USPL1: variants seen among roughly 807,000 people sequenced by gnomAD.
USPL1 encodes SUMO-specific isopeptidase USPL1.
USPL1 carries 27 observed loss-of-function variants against 51.5 expected under a neutral mutation model. The observed-to-expected ratio is 0.52, with a 90% CI of 0.39 to 0.72. USPL1 has a LOEUF of 0.72. USPL1 is among the 30% of genes least tolerant of loss of function. The pLI, the probability that USPL1 is intolerant of heterozygous loss-of-function variation, is 0.00. For synonymous variants in USPL1, 451 were observed against 459.6 expected (o/e 0.98, Z 0.24); for missense variants, 1,226 against 1,268.0 (o/e 0.97, Z 0.50).
At chr13:30,645,527 C>A (rs538068829) in intron 6 of USPL1, among the ~76,000 whole-genome samples, 29 of 152,140 alleles carry the variant, frequency 1.9e-4, no homozygotes, top group Non-Finnish European at 3.1e-4. Context: ...AATAATCTTA[C>A]TTTGTTCTAA....
chr13:30,659,304 A>G lies in USPL1; in HGVS notation c.3227A>G (p.Asn1076Ser). 1.2e-6 allele frequency: 2 copies of G among 1,613,802 alleles called. No homozygotes were observed. The highest frequency in any genetic ancestry group is 1.7e-6 in the Non-Finnish European group (2 of 1,179,706). The change falls in exon 9 of 9, where the codon AAT (asparagine) becomes AGT (serine). Residue 1076 changes from asparagine (N) to serine (S), a missense_variant. By Grantham distance (46) the Asn-to-Ser change is conservative. Transcript: ENST00000255304. ...TCCTCAGCATTAAATGCTTTAGCAA[A>G]TGACACATTAGACCTACCTCATTTC... ...FSSSALNALANDTLDLPHFDE... is the reference protein window; with the variant it reads ...FSSSALNALASDTLDLPHFDE...
At chr13:30,621,280 T>A (rs760547363) in intron 2 of USPL1, 41 bp downstream of exon 2, 34 of 1,446,098 alleles carry the variant, frequency 2.4e-5, no homozygotes, top group Non-Finnish European at 2.9e-5. Flanking sequence ...AAGTTTTTTT[T>A]TTTTCTCTAT....
intron 5 of USPL1, among the ~76,000 whole-genome samples, chr13:30,639,222 G>GTATATATATA (rs61182649): frequency 7.6e-5 from 11 of 144,430 alleles, no homozygotes; most frequent in African/African-American, 2.3e-4. Flanking sequence ...CTCAAAAAAT[G>GTATATATATA]TATATATATA....
At chr13:30,650,954 A>G (rs1951083129) in intron 7 of USPL1, among the ~76,000 whole-genome samples, 2 of 151,350 alleles carry the variant, frequency 1.3e-5, no homozygotes, top group Non-Finnish European at 2.9e-5. Context: ...CGTGCCCTGC[A>G]CTCCAACTTG....
At chr13:30,628,043 A>ATTTTTTTTTTTTTTTTT (rs202119827) in intron 3 of USPL1, among the ~76,000 whole-genome samples, 3 of 127,012 alleles carry the variant, frequency 2.4e-5, no homozygotes, top group Admixed American at 8.2e-5. Context: ...TGCCTGGCTA[A>ATTTTTTTTTTTTTTTTT]TTTTTTTTTT....
At chr13:30,620,435 A>C (rs1428241462) in intron 1 of USPL1, among the ~76,000 whole-genome samples, 12 of 152,212 alleles carry the variant, frequency 7.9e-5, no homozygotes, top group Non-Finnish European at 1.6e-4. Flanking sequence ...TCTGCACCAT[A>C]GGACTGCACT....
chr13:30,639,328 C>T (rs576999329), intron 5 of USPL1, among the ~76,000 whole-genome samples: 23 of 151,808 alleles, frequency 1.5e-4, no homozygotes, highest in South Asian at 6.2e-4. Context: ...CAGCTTTTGA[C>T]GTACTTCTTT....
chr13:30,643,270 C>G (rs1458676255), intron 6 of USPL1, among the ~76,000 whole-genome samples: 1 of 152,242 alleles, frequency 6.6e-6, no homozygotes, highest in South Asian at 2.1e-4. Context: ...AGGCCATGAT[C>G]GATGTACCTG....
intron 6 of USPL1, among the ~76,000 whole-genome samples, chr13:30,644,240 A>G (rs1247337310): frequency 6.6e-6 from 1 of 151,934 alleles, no homozygotes; most frequent in Non-Finnish European, 1.5e-5. Context: ...CTGAGATTGC[A>G]CCACTGCACT....
chr13:30,632,406 AT>A (rs60539080), intron 4 of USPL1, among the ~76,000 whole-genome samples: 1,346 of 83,668 alleles, frequency 0.016, 11 homozygotes, highest in South Asian at 0.024. Flanking sequence ...TGCTATTGTG[AT>A]TTTTTTTTTT....
chr13:30,630,726 C>T, intron 3 of USPL1, 109 bp from the exon 4 acceptor site: 2 of 1,192,452 alleles, frequency 1.7e-6, no homozygotes, highest in East Asian at 2.5e-5. Context: ...TATAACCTGT[C>T]ATCAAATCAA....
chr13:30,659,189 C>T lies in USPL1; in HGVS notation c.3112C>T (p.Gln1038Ter). The T allele has an allele frequency of 1.9e-6, 3 of 1,614,100 alleles. No homozygotes were observed. The highest frequency in any genetic ancestry group is 2.5e-6 in the Non-Finnish European group (3 of 1,180,016). Residue 1038 changes from glutamine to a stop codon, truncating the protein, a stop_gained, in exon 9 of 9, where the codon CAG (glutamine) becomes TAG (stop). Transcript: ENST00000255304. LOFTEE classifies it low-confidence loss of function (END_TRUNC). Reference protein sequence around the residue: ...SPTKKNPCEVQPDSLTNNACV... With the variant: ...SPTKKNPCEV ...CACCAAGAAAAATCCATGTGAAGTT[C>T]AGCCAGACTCTCTGACAAATAATGC...
At chr13:30,637,645 A>C (rs1950893409) in intron 4 of USPL1, 99 bp from the exon 5 acceptor site, 1 of 1,006,188 alleles carries the variant, frequency 9.9e-7, no homozygotes, top group African/African-American at 1.6e-5. Flanking sequence ...TCTGTTTGCA[A>C]AACTTACTGA....
At chr13:30,636,907 CACTGTATAATA>C (rs762116540) in intron 4 of USPL1, among the ~76,000 whole-genome samples, 4 of 152,164 alleles carry the variant, frequency 2.6e-5, no homozygotes, top group Non-Finnish European at 5.9e-5. Flanking sequence ...ATGTTTCAGT[CACTGTATAATA>C]ACTAGCCAGA....
At position 30,617,943 on chromosome 13, in the gene USPL1, G is replaced by C. The variant is rs560151491; in HGVS notation, c.-182G>C. ...CCGCCTTCCTAGTGGAGACGCGAGT[G>C]GGGGAGGAGCAGTCCGAGGGGAACG... On this transcript the variant is annotated 5_prime_UTR_variant, in exon 1 of 9. Coordinates refer to ENST00000255304, the MANE Select transcript of USPL1 (RefSeq NM_005800.5). 3.3e-5 allele frequency: 5 copies of C among 152,510 alleles called. No homozygotes were observed. Among genetic ancestry groups the C allele is most frequent in the Admixed American group, 6.5e-5 (1 of 15,306 alleles). 9.4% of individuals were successfully genotyped at this position (152,510 alleles called of 1,614,324 possible). A position where few individuals can be genotyped will look rare whatever the true frequency, so the allele number is the denominator to read the frequency against.
chr13:30,635,512 C>G (rs541880505), intron 4 of USPL1, among the ~76,000 whole-genome samples: 76 of 152,292 alleles, frequency 5.0e-4, no homozygotes, highest in Non-Finnish European at 9.9e-4. Flanking sequence ...TAACCCAGCA[C>G]TCATACTTTT....
At chr13:30,652,854 A>C (rs1951107815) in intron 7 of USPL1, among the ~76,000 whole-genome samples, 2 of 152,230 alleles carry the variant, frequency 1.3e-5, no homozygotes, top group Non-Finnish European at 2.9e-5. Context: ...CTTTTAAGAC[A>C]AAGCTGCATT....
chr13:30,631,431 A>G lies in USPL1; in HGVS notation c.825A>G (p.Gln275=). Residue 275 remains glutamine, a synonymous_variant, in exon 4 of 9, where the codon CAA becomes CAG. Coordinates refer to ENST00000255304, the MANE Select transcript of USPL1 (RefSeq NM_005800.5). ...GGCGGTTGCTTACAAAATATAATCA[A>G]GCAAATACACTTCTATATACCAGTC... ...IFWRLLTKYN[Q]ANTLLYTSQL... 6.2e-7 allele frequency: 1 copy of G among 1,614,214 alleles called. No individual in the cohort carries two copies. The highest frequency in any genetic ancestry group is 1.3e-5 in the African/African-American group (1 of 75,052).
chr13:30,657,497 T>C lies in USPL1; in HGVS notation c.1420T>C (p.Leu474=). Residue 474 remains leucine, a synonymous_variant, in exon 9 of 9, where the codon TTA becomes CTA. Coordinates refer to ENST00000255304, the MANE Select transcript of USPL1 (RefSeq NM_005800.5). ...ADGSWLECDD[L]KGPCSERHKK... ...AGGAAGTTGGCTGGAATGTGATGAC[T>C]TAAAAGGCCCATGTTCTGAAAGGCA... 6.2e-7 allele frequency: 1 copy of C among 1,601,162 alleles called. No homozygotes were observed. The highest frequency in any genetic ancestry group is 8.5e-7 in the Non-Finnish European group (1 of 1,175,330).
Sources: gnomAD v4.1 joint callset for allele counts (sites outside exome capture counted in the v4.1 genomes callset) on GRCh38, gnomAD v4.1.1 for gene constraint, MANE v1.5 for transcripts, NCBI Gene and HGNC (gene_info 2026-07-23, HGNC 2026-07-21) for gene names.